The following COG6 variants were observed in gnomAD, a reference collection of about 807,000 sequenced individuals.
The protein encoded by COG6 is component of oligomeric golgi complex 6.
In COG6, 74 loss-of-function variants were observed where a neutral mutation model predicts 88.8. The ratio of observed to expected loss-of-function variants is 0.83; its 90% CI spans 0.69 to 1.01. The LOEUF is 1.01. Ranked by LOEUF, COG6 falls within the 50% of genes least tolerant of loss-of-function variation. The pLI is 0.00. For missense variants in COG6, 800 were observed against 797.9 expected, an observed-to-expected ratio of 1.00 and a Z score of -0.03; for synonymous variants, 286 against 278.7, an observed-to-expected ratio of 1.03 and a Z score of -0.26.
At chr13:39,672,538 C>T (rs929643418) in intron 4 of COG6, among the ~76,000 whole-genome samples, 12 of 152,064 alleles carry the variant, frequency 7.9e-5, no homozygotes, top group African/African-American at 2.9e-4. Context: ...CTAGCTTTTT[C>T]CACATAGATA....
At chr13:39,674,982 C>T (rs542199558) in intron 4 of COG6, among the ~76,000 whole-genome samples, 41 of 152,202 alleles carry the variant, frequency 2.7e-4, no homozygotes, top group African/African-American at 9.4e-4. Flanking sequence ...CATACTTTCT[C>T]GCAACTTTTT....
intron 12 of COG6, among the ~76,000 whole-genome samples, chr13:39,697,150 A>G (rs1877322266): frequency 6.6e-6 from 1 of 151,492 alleles, no homozygotes; most frequent in Admixed American, 6.6e-5. Flanking sequence ...AATATACAGG[A>G]GATTTTGAGT....
rs527748425 is a variant in COG6, at chr13:39,751,062, C to G, written c.1943C>G (p.Ser648Trp). Residue 648 changes from serine to tryptophan, a missense_variant, in exon 19 of 19, where the codon TCG becomes TGG. Ser to Trp is a radical substitution (Grantham distance 177). Coordinates refer to ENST00000455146, the MANE Select transcript of COG6 (RefSeq NM_020751.3). Reference protein sequence around the residue: ...YKDPENILHRSPQQVQTLLS With the variant: ...YKDPENILHRWPQQVQTLLS ...GATCCAGAGAACATTCTTCACCGAT[C>G]GCCGCAGCAAGTGCAGACGCTTCTT... is the stretch of plus-strand genomic sequence containing the variant. 8 of 1,613,550 alleles carry G rather than the reference C, an allele frequency of 5.0e-6. No individual in the cohort carries two copies. The highest frequency in any genetic ancestry group is 6.8e-6 in the Non-Finnish European group (8 of 1,179,804).
chr13:39,667,957 T>C (rs1176696191), intron 4 of COG6, among the ~76,000 whole-genome samples: 1 of 152,146 alleles, frequency 6.6e-6, no homozygotes, highest in African/African-American at 2.4e-5. Context: ...AATTTTGACT[T>C]AACGATAAGC....
At chr13:39,791,553 C>T (rs1881938302) in exon 19 of COG6, 1 of 151,486 alleles carries the variant, frequency 6.6e-6, no homozygotes, top group Non-Finnish European at 1.5e-5. Context: ...CTATTTATGA[C>T]AATATGGTAG....
intron 18 of COG6, among the ~76,000 whole-genome samples, chr13:39,746,968 C>T (rs778171381): frequency 1.3e-5 from 2 of 151,918 alleles, no homozygotes; most frequent in Non-Finnish European, 2.9e-5. Flanking sequence ...AAAACAATAA[C>T]TCATTAAAAT....
chr13:39,704,948 A>G (rs1045202837), intron 13 of COG6, among the ~76,000 whole-genome samples: 11 of 151,948 alleles, frequency 7.2e-5, no homozygotes, highest in Non-Finnish European at 5.9e-5. Flanking sequence ...TCTCTTTACA[A>G]CTCATATGTT....
chr13:39,771,337 G>C (rs544868647), intron 18 of COG6, among the ~76,000 whole-genome samples: 2 of 152,162 alleles, frequency 1.3e-5, no homozygotes, highest in African/African-American at 4.8e-5. Context: ...TTCGTCCATC[G>C]TCTCCACACT....
intron 5 of COG6, chr13:39,678,103 G>A (rs1876083910): frequency 2.3e-6 from 1 of 442,090 alleles, no homozygotes; most frequent in African/African-American, 2.0e-5. Context: ...GTCTCGCTCT[G>A]TCAACCTGGC....
At chr13:39,732,078 A>G (rs185335253) in intron 18 of COG6, among the ~76,000 whole-genome samples, 52 of 152,264 alleles carry the variant, frequency 3.4e-4, no homozygotes, top group Non-Finnish European at 6.0e-4. Context: ...CGCCCCATTG[A>G]CGGTGAATCT....
At chr13:39,773,077 G>A (rs942459095) in intron 18 of COG6, among the ~76,000 whole-genome samples, 21 of 152,186 alleles carry the variant, frequency 1.4e-4, no homozygotes, top group African/African-American at 5.1e-4. Context: ...ACTTGCCCCA[G>A]TGGCACAGCA....
At position 39,687,602 on chromosome 13, in the gene COG6, A is replaced by C; in HGVS notation, c.888A>C (p.Pro296=). The C allele has an allele frequency of 2.5e-6, 4 of 1,613,960 alleles. No homozygotes were observed. The highest frequency in any genetic ancestry group is 3.4e-6 in the Non-Finnish European group (4 of 1,180,010). Residue 296 remains proline, a synonymous_variant, in exon 9 of 19, where the codon CCA becomes CCC. Coordinates refer to ENST00000455146, the MANE Select transcript of COG6 (RefSeq NM_020751.3). ...TRGGPGGTPR[P]IEMHSHDPLR... ...GGGGCCCCGGAGGTACACCTAGACC[A>C]ATTGAAATGCATTCTCATGACCCTT...
At chr13:39,742,511 C>T (rs1405049294) in intron 18 of COG6, among the ~76,000 whole-genome samples, 4 of 151,856 alleles carry the variant, frequency 2.6e-5, no homozygotes, top group Non-Finnish European at 5.9e-5. Context: ...CAAAGAAGGC[C>T]ATTACATAAT....
At chr13:39,725,054 C>A (rs1197972087) in intron 17 of COG6, among the ~76,000 whole-genome samples, 2 of 151,746 alleles carry the variant, frequency 1.3e-5, no homozygotes, top group Non-Finnish European at 3.0e-5. Context: ...TTCCTTTTTG[C>A]ATGATCACTA....
At chr13:39,753,261 A>G (rs920372894), downstream of COG6, among the ~76,000 whole-genome samples, 4 of 152,134 alleles carry the variant, frequency 2.6e-5, no homozygotes, top group Non-Finnish European at 5.9e-5. Context: ...TGTCCCTTCT[A>G]CCATGTGACG....
At chr13:39,746,054 C>T (rs1292823107) in intron 18 of COG6, among the ~76,000 whole-genome samples, 31 of 151,122 alleles carry the variant, frequency 2.1e-4, no homozygotes, top group Non-Finnish European at 1.0e-4. Context: ...GAACACAGGG[C>T]GGGGAACATC....
chr13:39,731,042 C>T (rs1259610597), intron 18 of COG6, among the ~76,000 whole-genome samples: 2 of 151,738 alleles, frequency 1.3e-5, no homozygotes, highest in Non-Finnish European at 2.9e-5. Context: ...AGGCTGGTCT[C>T]GAACTCCTGA....
At chr13:39,746,673 G>T (rs1426322445) in intron 18 of COG6, among the ~76,000 whole-genome samples, 1 of 152,048 alleles carries the variant, frequency 6.6e-6, no homozygotes, top group Non-Finnish European at 1.5e-5. Flanking sequence ...TGAATAATTT[G>T]GGCTAAGACC....
At chr13:39,750,357 C>G (rs1378302119) in intron 18 of COG6, among the ~76,000 whole-genome samples, 1 of 152,102 alleles carries the variant, frequency 6.6e-6, no homozygotes, top group Non-Finnish European at 1.5e-5. Context: ...ATTTGCAGGA[C>G]TCATTCTTTA....
Sources: gnomAD v4.1 joint callset for allele counts (sites outside exome capture counted in the v4.1 genomes callset) on GRCh38, gnomAD v4.1.1 for gene constraint, MANE v1.5 for transcripts, NCBI Gene and HGNC (gene_info 2026-07-23, HGNC 2026-07-21) for gene names.